SPC24: variants seen among roughly 807,000 people sequenced by gnomAD.
SPC24 encodes the protein SPC24 component of NDC80 kinetochore complex, also known as kinetochore protein Spc24.
In SPC24, 31 loss-of-function variants were observed where a neutral mutation model predicts 27.6. The observed-to-expected ratio is 1.12, with a 90% CI of 0.84 to 1.52. The LOEUF (loss-of-function observed/expected upper bound fraction) is 1.52. Ranked by LOEUF, SPC24 falls within the 40% of genes most tolerant of loss-of-function variation. SPC24 has a pLI of 0.00. For synonymous variants in SPC24, 105 were observed against 105.8 expected, an observed-to-expected ratio of 0.99 and a Z score of 0.05; for missense variants, 284 against 252.5, an observed-to-expected ratio of 1.12 and a Z score of -0.84.
chr19:11,152,700 CTA>C (rs1212920635), intron 1 of SPC24, among the ~76,000 whole-genome samples: 1 of 152,042 alleles, frequency 6.6e-6, no homozygotes, highest in East Asian at 1.9e-4. Context: ...ATCCATTCTG[CTA>C]ACAGCCAGGC....
At chr19:11,149,882 T>C (rs1436804225) in intron 1 of SPC24, among the ~76,000 whole-genome samples, 1 of 151,606 alleles carries the variant, frequency 6.6e-6, no homozygotes, top group Admixed American at 6.6e-5. Flanking sequence ...AGCTAATTTT[T>C]TGTATTTTTA....
Position 11,153,772 on chromosome 19 carries a change from A to G in SPC24, c.160+1845T>C, listed in dbSNP as rs534366221. Among the ~76,000 whole-genome samples, 374 of 149,376 alleles carry G rather than the reference A, an allele frequency of 2.5e-3. 2 individuals are homozygous for G. Among genetic ancestry groups the G allele is most frequent in the African/African-American group, 8.8e-3 (355 of 40,540 alleles). ...AAGACTGTCCTGGGAAAAAAAAAAAAAAGAAGAAAATATGGCTGGGCACGG... is the reference window on the plus strand; with the variant it reads ...AAGACTGTCCTGGGAAAAAAAAAAAGAAGAAGAAAATATGGCTGGGCACGG... On this transcript the variant is annotated intron_variant, in intron 1 of 4. Coordinates refer to ENST00000592540, the MANE Select transcript of SPC24 (RefSeq NM_182513.4).
In SPC24 at chr19:11,147,080, C is replaced by CAAAAA. The variant is rs71164155; in HGVS notation, c.*98_*102dup. On this transcript the variant is annotated 3_prime_UTR_variant, in exon 5 of 5. Transcript: ENST00000592540. ...GGACAACAAGAGTGAAACTCTGTCT[C>CAAAAA]AAAAAAAAAAAAAAAAAGATCTATG... is the stretch of plus-strand genomic sequence containing the variant. 4.3e-5 allele frequency: 17 copies of CAAAAA among 397,360 alleles called. No individual in the cohort carries two copies. Among genetic ancestry groups the CAAAAA allele is most frequent in the Admixed American group, 1.3e-4 (3 of 23,402 alleles). The allele number at this position is 397,360 out of a possible 1,614,324, so 24.6% of individuals were successfully genotyped here.
chr19:11,147,173 A>C lies in SPC24; in HGVS notation c.*10T>G. ...CCGCTGGGTGCAAGACGCAGCCACG[A>C]GGCTCCTGGCTACCACTCGGTGTCC... On this transcript the variant is annotated 3_prime_UTR_variant, in exon 5 of 5. Coordinates refer to ENST00000592540, the MANE Select transcript of SPC24 (RefSeq NM_182513.4). 1 of 1,541,474 alleles carries C rather than the reference A, an allele frequency of 6.5e-7. No homozygotes were observed. The highest frequency in any genetic ancestry group is 8.8e-7 in the Non-Finnish European group (1 of 1,139,170).
intron 1 of SPC24, among the ~76,000 whole-genome samples, chr19:11,154,027 T>C (rs942877255): frequency 3.8e-4 from 58 of 151,844 alleles, no homozygotes; most frequent in South Asian, 8.3e-4. Flanking sequence ...TGAGCCAAGA[T>C]TGCGCCACTG....
intron 1 of SPC24, chr19:11,149,446 C>A: frequency 5.1e-6 from 2 of 390,852 alleles, no homozygotes; most frequent in Non-Finnish European, 9.0e-6. Context: ...CCTTCACACA[C>A]CTAAAATATA....
intron 1 of SPC24, among the ~76,000 whole-genome samples, chr19:11,151,446 T>G (rs2147321792): frequency 6.6e-6 from 1 of 152,286 alleles, no homozygotes; most frequent in Middle Eastern, 3.4e-3. Context: ...TTAGGACAGC[T>G]GAGGCTCTGG....
chr19:11,150,929 C>T (rs902133266), intron 1 of SPC24, among the ~76,000 whole-genome samples: 11 of 152,176 alleles, frequency 7.2e-5, no homozygotes, highest in Admixed American at 4.6e-4. Flanking sequence ...TTTGGGAGGC[C>T]GAGGCAGGTG....
At chr19:11,151,500 G>A (rs1352913874) in intron 1 of SPC24, among the ~76,000 whole-genome samples, 1 of 152,048 alleles carries the variant, frequency 6.6e-6, no homozygotes, top group African/African-American at 2.4e-5. Context: ...CCGCCCTCCC[G>A]AAGGACAACC....
chr19:11,147,926 A>G (rs1042241993), intron 3 of SPC24, 32 bp from the exon 4 acceptor site: 5 of 741,514 alleles, frequency 6.7e-6, no homozygotes, highest in South Asian at 5.5e-5. Flanking sequence ...AAAAAAAAAA[A>G]AAAAGAAAGT....
At chr19:11,149,789 C>T (rs1192590754) in intron 1 of SPC24, among the ~76,000 whole-genome samples, 1 of 150,858 alleles carries the variant, frequency 6.6e-6, no homozygotes, top group Non-Finnish European at 1.5e-5. Context: ...TGGCTCACTG[C>T]AACCTCCGCC....
chr19:11,147,257 G>A lies in SPC24; in HGVS notation c.520C>T (p.His174Tyr). The change falls in exon 5 of 5, where the codon CAC (histidine) becomes TAC (tyrosine). Residue 174 changes from histidine (H) to tyrosine (Y), a missense_variant. Transcript: ENST00000592540. The part of the protein sequence containing the change: ...HHGPSVAQPI[H>Y]LDSTQLSRKF... ...CTGGAGAGCTGGGTGCTGTCCAGGT[G>A]GATGGGCTGGGCCACACTGGGGCCA... 1 of 1,567,660 alleles carries A rather than the reference G, an allele frequency of 6.4e-7. No individual in the cohort carries two copies. The highest frequency in any genetic ancestry group is 1.4e-5 in the African/African-American group (1 of 74,008).
At position 11,145,965 on chromosome 19, in the gene SPC24, T is replaced by C. The variant is rs1347058947; in HGVS notation, c.*1218A>G. The C allele has an allele frequency of 1.3e-5, 2 of 152,136 alleles. No individual in the cohort carries two copies. Among genetic ancestry groups the C allele is most frequent in the African/African-American group, 4.8e-5 (2 of 41,338 alleles). The allele number at this position is 152,136 out of a possible 1,614,324, so 9.4% of individuals were successfully genotyped here. On this transcript the variant is annotated 3_prime_UTR_variant, in exon 5 of 5. Coordinates refer to ENST00000592540, the MANE Select transcript of SPC24 (RefSeq NM_182513.4). ...GATGGGGTCTTGCCATGTTCCCCAG[T>C]CTGGTCTCCAACTCCTGGGCTCAAG... is the stretch of plus-strand genomic sequence containing the variant.
chr19:11,154,520 T>C (rs1214591557), intron 1 of SPC24, among the ~76,000 whole-genome samples: 6 of 152,080 alleles, frequency 3.9e-5, no homozygotes, highest in Non-Finnish European at 8.8e-5. Context: ...GCCAGGGTAA[T>C]GGAGCGAGGC....
Position 11,147,259 on chromosome 19 carries a change from A to G in SPC24, c.518T>C (p.Ile173Thr). 6.4e-7 allele frequency: 1 copy of G among 1,567,762 alleles called. No individual in the cohort carries two copies. The highest frequency in any genetic ancestry group is 8.7e-7 in the Non-Finnish European group (1 of 1,155,562). Reference protein sequence around the residue: ...IHHGPSVAQPIHLDSTQLSRK... With the variant: ...IHHGPSVAQPTHLDSTQLSRK... ...GGAGAGCTGGGTGCTGTCCAGGTGG[A>G]TGGGCTGGGCCACACTGGGGCCATG... The change falls in exon 5 of 5, where the codon ATC (isoleucine) becomes ACC (threonine). Residue 173 changes from isoleucine to threonine, a missense_variant. Physicochemically the swap from Ile to Thr is moderately conservative, Grantham distance 89. Transcript: ENST00000592540.
intron 1 of SPC24, among the ~76,000 whole-genome samples, chr19:11,152,362 A>G (rs1183128387): frequency 6.6e-6 from 1 of 152,152 alleles, no homozygotes; most frequent in Admixed American, 6.6e-5. Context: ...GGCATGCGCC[A>G]CAACGGCCAG....
Position 11,147,215 on chromosome 19 carries a change from A to G in SPC24, c.562T>C (p.Tyr188His), listed in dbSNP as rs1308341357. The G allele has an allele frequency of 6.4e-7, 1 of 1,557,412 alleles. No homozygotes were observed. Among genetic ancestry groups the G allele is most frequent in the East Asian group, 2.4e-5 (1 of 41,604 alleles). Residue 188 changes from tyrosine to histidine, a missense_variant, in exon 5 of 5, where the codon TAC becomes CAC. Tyr to His is a moderately conservative substitution (Grantham distance 83). Transcript: ENST00000592540. ...TQLSRKFISDYLWSLVDTEW is the reference protein window; with the variant it reads ...TQLSRKFISDHLWSLVDTEW ...TCGGTGTCCACCAGACTCCAGAGGT[A>G]GTCGCTGATGAATTTCCTGGAGAGC...
At chr19:11,147,973 C>A (rs376692448) in intron 3 of SPC24, 40 bp downstream of exon 3, 13 of 1,600,456 alleles carry the variant, frequency 8.1e-6, no homozygotes, top group Middle Eastern at 1.7e-4. Context: ...CCGGACTGCA[C>A]AAGGAGGCAC....
intron 1 of SPC24, among the ~76,000 whole-genome samples, chr19:11,150,185 CA>C (rs770061574): frequency 4.3e-3 from 138 of 32,282 alleles, no homozygotes; most frequent in East Asian, 0.029. Flanking sequence ...AACTCCATCT[CA>C]AAAAAAAAAA....
Sources: gnomAD v4.1 joint callset for allele counts (sites outside exome capture counted in the v4.1 genomes callset) on GRCh38, gnomAD v4.1.1 for gene constraint, MANE v1.5 for transcripts, NCBI Gene and HGNC (gene_info 2026-07-23, HGNC 2026-07-21) for gene names.